Variants in CSMD2 observed in about 807,000 individuals in gnomAD.
The protein encoded by CSMD2 is CUB and Sushi multiple domains 2.
A neutral mutation model predicts 398.5 loss-of-function variants in CSMD2; 130 were observed. That is an observed-to-expected ratio of 0.33 (90% CI 0.28 to 0.38). The LOEUF (loss-of-function observed/expected upper bound fraction) is 0.38, where lower values mean the gene tolerates loss of function less well. Ranked by LOEUF, CSMD2 falls within the 10% of genes least tolerant of loss-of-function variation. The pLI is 1.00. For missense variants in CSMD2, 3,829 were observed against 4,764.9 expected (o/e 0.80, Z 5.78); for synonymous variants, 1,828 against 1,908.5 (o/e 0.96, Z 1.10).
chr1:33,680,862 G>C (rs977434971), intron 25 of CSMD2, among the ~76,000 whole-genome samples: 2 of 143,522 alleles, frequency 1.4e-5, no homozygotes, highest in Non-Finnish European at 3.0e-5. Context: ...TGTTATATCA[G>C]TTAGCCATTA....
chr1:33,607,812 T>A (rs1640722515), intron 41 of CSMD2, among the ~76,000 whole-genome samples: 1 of 152,140 alleles, frequency 6.6e-6, no homozygotes, highest in African/African-American at 2.4e-5. Context: ...GTCCTGAAGG[T>A]CACATGCTTG....
At chr1:33,854,833 T>A (rs1390085282) in intron 5 of CSMD2, among the ~76,000 whole-genome samples, 1 of 152,036 alleles carries the variant, frequency 6.6e-6, no homozygotes, top group Non-Finnish European at 1.5e-5. Context: ...AGGCTTGGAG[T>A]GCTGAGGAAC....
intron 1 of CSMD2, among the ~76,000 whole-genome samples, chr1:34,102,617 A>ATATCCCTGTAATCCGG (rs1558390416): frequency 1.3e-5 from 1 of 75,252 alleles, no homozygotes; most frequent in Non-Finnish European, 2.9e-5. Flanking sequence ...CTGTGATCCA[A>ATATCCCTGTAATCCGG]CCATATCCCT....
rs1223057084 is a variant in CSMD2, at chr1:33,922,705, G to GT, written c.713-4405_713-4404insA. 6.6e-5 allele frequency among the ~76,000 whole-genome samples: 10 copies of GT among 152,154 alleles called. No homozygotes were observed. The East Asian group carries it at 1.9e-3, about 29-fold the overall frequency. ...CACTTCCTCATGGCAGAGGCTCAGG[G>GT]GACATCCTCAACTCCTCCCACACCC... On this transcript the variant is annotated intron_variant, in intron 4 of 70. Transcript: ENST00000373381.
chr1:34,117,649 A>C (rs77883317), intron 1 of CSMD2, among the ~76,000 whole-genome samples: 2 of 142,198 alleles, frequency 1.4e-5, no homozygotes, highest in Non-Finnish European at 3.2e-5. Flanking sequence ...AAGATACTAC[A>C]AAAAAAAAAG....
chr1:33,825,644 C>A (rs530040425), intron 7 of CSMD2, 53 bp downstream of exon 7: 3 of 1,497,024 alleles, frequency 2.0e-6, no homozygotes, highest in Non-Finnish European at 9.3e-7. Flanking sequence ...AGTGCCTGCA[C>A]GTGTGACCTC....
chr1:33,819,730 T>A lies in CSMD2; in HGVS notation c.1307A>T (p.His436Leu), dbSNP rs1657889886. Reference sequence around the variant, plus strand: ...ACCCTCACCTCGGCAGACTGGCCTGTGGTCGCTCCAGGCCGCAAACATGTC... The same window carrying A: ...ACCCTCACCTCGGCAGACTGGCCTGAGGTCGCTCCAGGCCGCAAACATGTC... ...VSDMFAAWSD[H>L]RPVCRARMCD... Residue 436 changes from histidine to leucine, a missense_variant, in exon 9 of 71, where the codon CAC (histidine) becomes CTC (leucine). Around this residue, in one of 5 missense-constraint regions of CSMD2, gnomAD observed 2,001 missense variants for 2,567.1 expected, o/e 0.78. Transcript: ENST00000373381. 6.2e-7 allele frequency: 1 copy of A among 1,613,598 alleles called. No homozygotes were observed. Among genetic ancestry groups the A allele is most frequent in the African/African-American group, 1.3e-5 (1 of 75,040 alleles).
At position 33,525,006 on chromosome 1, in the gene CSMD2, T is replaced by A. The variant is rs1447512420; in HGVS notation, c.10272A>T (p.Lys3424Asn). Residue 3424 changes from lysine (K) to asparagine (N), a missense_variant, in exon 66 of 71, where the codon AAA (lysine) becomes AAT (asparagine). Physicochemically the swap from Lys to Asn is moderately conservative, Grantham distance 94. This residue lies in a region of CSMD2 where 917 missense variants were observed against 1,199.5 expected (regional missense o/e 0.76). Transcript: ENST00000373381. ...TCTTCCCCTGGTATTCATAGGCCCC[T>A]TTCCACAGGGAATTCTTGGCAAAAA... ...GDVFAKNSLW[K>N]GAYEYQGKKQ... The A allele has an allele frequency of 6.2e-7, 1 of 1,614,112 alleles. No individual in the cohort carries two copies. The highest frequency in any genetic ancestry group is 1.7e-5 in the Admixed American group (1 of 60,014).
chr1:33,645,390 CACATAT>C (rs1192567921), intron 29 of CSMD2, among the ~76,000 whole-genome samples: 8 of 124,408 alleles, frequency 6.4e-5, no homozygotes, highest in East Asian at 2.5e-4. Flanking sequence ...CACACACACA[CACATAT>C]ATAAAATATG....
chr1:34,053,961 T>G (rs1411924331), intron 2 of CSMD2, among the ~76,000 whole-genome samples: 1 of 152,188 alleles, frequency 6.6e-6, no homozygotes, highest in Non-Finnish European at 1.5e-5. Flanking sequence ...CCAGCCCACC[T>G]GAATTTGTAA....
Position 33,707,683 on chromosome 1 carries a change from ACGCG to A in CSMD2, c.3576+1402_3576+1405del, listed in dbSNP as rs148089714. ...GCATTTCAAACACGCACGCGTGCACACGCGCGCGCGCGCACACACACACACACAC... is the reference window on the plus strand; with the variant it reads ...GCATTTCAAACACGCACGCGTGCACACGCGCGCGCACACACACACACACAC... On this transcript the variant is annotated intron_variant, in intron 22 of 70. Transcript: ENST00000373381. Among the ~76,000 whole-genome samples the A allele has an allele frequency of 9.5e-3, 687 of 72,250 alleles. 4 individuals are homozygous for A. Among genetic ancestry groups the A allele is most frequent in the African/African-American group, 0.036 (558 of 15,514 alleles). 47.4% of individuals were successfully genotyped at this position (72,250 alleles called of 152,430 possible). A position where few individuals can be genotyped will look rare whatever the true frequency, so the allele number is the denominator to read the frequency against.
chr1:33,864,701 C>A (rs1277765748), intron 5 of CSMD2: 7 of 1,613,172 alleles, frequency 4.3e-6, no homozygotes, highest in African/African-American at 1.3e-5. Context: ...GGAAGAAGTA[C>A]CGAATGTCAG....
chr1:33,965,482 C>A (rs1037844276), intron 3 of CSMD2, among the ~76,000 whole-genome samples: 1 of 152,128 alleles, frequency 6.6e-6, no homozygotes, highest in Non-Finnish European at 1.5e-5. Context: ...GCCAAGGCCA[C>A]GGGGTAAGTG....
At chr1:33,695,619 T>C (rs561337773) in intron 24 of CSMD2, among the ~76,000 whole-genome samples, 1 of 152,326 alleles carries the variant, frequency 6.6e-6, no homozygotes, top group Non-Finnish European at 1.5e-5. Context: ...GAGTCTTGAC[T>C]CAGGCCCTCA....
intron 1 of CSMD2, among the ~76,000 whole-genome samples, chr1:34,099,294 C>A (rs1659715531): frequency 6.6e-6 from 1 of 152,208 alleles, no homozygotes; most frequent in Non-Finnish European, 1.5e-5. Context: ...TGTGATAAGC[C>A]ATGGGGACCT....
chr1:33,743,364 TGGA>T lies in CSMD2; in HGVS notation c.2086_2088del (p.Ser696del). On this transcript the variant is annotated inframe_deletion, in exon 14 of 71. Transcript: ENST00000373381. ...CGGGCCACGTGGCCACTGCTTGTGA[TGGA>T]GGAGGGAAGCTGGTTTCCTGAGAAG... 6.2e-7 allele frequency: 1 copy of T among 1,614,074 alleles called. No individual in the cohort carries two copies. The highest frequency in any genetic ancestry group is 1.7e-5 in the Admixed American group (1 of 60,022).
intron 5 of CSMD2, among the ~76,000 whole-genome samples, chr1:33,901,979 TA>T: frequency 6.6e-6 from 1 of 152,316 alleles, no homozygotes; most frequent in East Asian, 1.9e-4. Context: ...AGGCCCAGGG[TA>T]ACTCTTAAAC....
At chr1:34,157,674 G>A (rs543206109) in intron 1 of CSMD2, among the ~76,000 whole-genome samples, 9 of 109,050 alleles carry the variant, frequency 8.3e-5, no homozygotes, top group African/African-American at 2.8e-4. Context: ...TCCCATCCCC[G>A]ACATCACATC....
intron 7 of CSMD2, among the ~76,000 whole-genome samples, chr1:33,823,406 T>C (rs1044561429): frequency 7.4e-6 from 1 of 134,470 alleles, no homozygotes; most frequent in Admixed American, 7.6e-5. Flanking sequence ...TTTTTTTTTT[T>C]AATTCCAGTC....
Sources: allele counts gnomAD v4.1 joint callset (sites outside exome capture counted in the v4.1 genomes callset), GRCh38; gene constraint gnomAD v4.1.1; regional missense constraint gnomAD v4.1.1; transcripts MANE v1.5; gene names NCBI Gene and HGNC (gene_info 2026-07-23, HGNC 2026-07-21).